Variants in CRIM1 observed in about 807,000 individuals in gnomAD.
CRIM1 encodes the protein cysteine rich transmembrane BMP regulator 1.
CRIM1 carries 32 observed loss-of-function variants against 116.4 expected under a neutral mutation model. The ratio of observed to expected loss-of-function variants is 0.27; its 90% CI spans 0.21 to 0.37. The LOEUF (loss-of-function observed/expected upper bound fraction) is 0.37. Ranked by LOEUF, CRIM1 falls within the 10% of genes least tolerant of loss-of-function variation. The pLI, the probability that CRIM1 is intolerant of heterozygous loss-of-function variation, is 1.00. For synonymous variants in CRIM1, 590 were observed against 509.2 expected (o/e 1.16, Z -2.13); for missense variants, 1,331 against 1,354.8 (o/e 0.98, Z 0.28).
intron 13 of CRIM1, among the ~76,000 whole-genome samples, chr2:36,531,058 A>C (rs543399790): frequency 4.6e-5 from 7 of 152,334 alleles, no homozygotes; most frequent in African/African-American, 1.4e-4. Context: ...CTTGTTTTGC[A>C]GTGAGACTTA....
intron 2 of CRIM1, among the ~76,000 whole-genome samples, chr2:36,423,652 T>A (rs2124870489): frequency 6.6e-6 from 1 of 152,308 alleles, no homozygotes; most frequent in South Asian, 2.1e-4. Context: ...GGTACTAAAG[T>A]ATTTGAGTCC....
chr2:36,411,410 A>G (rs1456330313), intron 2 of CRIM1, among the ~76,000 whole-genome samples: 1 of 152,146 alleles, frequency 6.6e-6, no homozygotes, highest in Non-Finnish European at 1.5e-5. Flanking sequence ...AGGAGAGTGT[A>G]TTCTGTATGG....
At chr2:36,432,517 G>A (rs967753580) in intron 2 of CRIM1, among the ~76,000 whole-genome samples, 2 of 152,048 alleles carry the variant, frequency 1.3e-5, no homozygotes, top group Non-Finnish European at 2.9e-5. Flanking sequence ...GATGCAAACA[G>A]GCCACATTTG....
intron 2 of CRIM1, among the ~76,000 whole-genome samples, chr2:36,436,575 G>C (rs1413467311): frequency 1.3e-5 from 2 of 152,140 alleles, no homozygotes; most frequent in Admixed American, 1.3e-4. Flanking sequence ...GTAAAAAATG[G>C]GAGGTATAGG....
At chr2:36,532,545 A>G (rs747659061) in intron 13 of CRIM1, among the ~76,000 whole-genome samples, 10 of 152,182 alleles carry the variant, frequency 6.6e-5, no homozygotes, top group Non-Finnish European at 1.5e-4. Context: ...ATCTTTGAAG[A>G]CAAAGATAAA....
intron 1 of CRIM1, among the ~76,000 whole-genome samples, chr2:36,359,880 G>A (rs568168541): frequency 6.6e-6 from 1 of 152,014 alleles, no homozygotes; most frequent in Non-Finnish European, 1.5e-5. Flanking sequence ...CTTTCCATTC[G>A]TCTGCTAAGA....
At chr2:36,415,566 T>C (rs547322635) in intron 2 of CRIM1, among the ~76,000 whole-genome samples, 9 of 152,308 alleles carry the variant, frequency 5.9e-5, no homozygotes, top group African/African-American at 2.2e-4. Context: ...AAATTGTTCA[T>C]AGATTCTTTC....
rs375510596 is a variant in CRIM1 at position 36,356,992 on chromosome 2, C to G, written c.331+369C>G. Among the ~76,000 whole-genome samples the G allele has an allele frequency of 1.5e-4, 23 of 152,168 alleles. No individual in the cohort carries two copies. Among genetic ancestry groups the G allele is most frequent in the African/African-American group, 5.3e-4 (22 of 41,454 alleles). On this transcript the variant is annotated intron_variant, in intron 1 of 16. Transcript: ENST00000280527. This position sits in a 1 kb window ranked among gnomAD's most constrained non-coding sequence, Gnocchi z 4.3. ...ACTGCAGATTCTGCCGCGCGCGAGCCCCTCGGGGAGCCCGGCCCTACCGCC... is the reference window on the plus strand; with the variant it reads ...ACTGCAGATTCTGCCGCGCGCGAGCGCCTCGGGGAGCCCGGCCCTACCGCC...
At chr2:36,443,680 A>G (rs1398811893) in intron 4 of CRIM1, among the ~76,000 whole-genome samples, 1 of 152,240 alleles carries the variant, frequency 6.6e-6, no homozygotes, top group Non-Finnish European at 1.5e-5. Flanking sequence ...GTGATTATGC[A>G]AATGGTTGGA....
intron 2 of CRIM1, among the ~76,000 whole-genome samples, chr2:36,435,434 T>C (rs991560970): frequency 2.6e-5 from 4 of 152,120 alleles, no homozygotes; most frequent in Admixed American, 2.6e-4. Context: ...TATGGGACTC[T>C]ACAAACTTTA....
chr2:36,538,101 T>C (rs1225403551), intron 14 of CRIM1, among the ~76,000 whole-genome samples: 2 of 152,180 alleles, frequency 1.3e-5, no homozygotes, highest in African/African-American at 4.8e-5. Flanking sequence ...CCACTGAGTG[T>C]ACCCCAGCTG....
chr2:36,377,441 G>A (rs1382897596), intron 1 of CRIM1, among the ~76,000 whole-genome samples: 1 of 152,180 alleles, frequency 6.6e-6, no homozygotes, highest in Admixed American at 6.5e-5. Context: ...GTGCACTAGT[G>A]GGAGTTCAGG....
At chr2:36,494,554 G>C (rs1680452330) in intron 7 of CRIM1, among the ~76,000 whole-genome samples, 2 of 152,082 alleles carry the variant, frequency 1.3e-5, no homozygotes, top group African/African-American at 4.8e-5. Flanking sequence ...CAATCCCAAG[G>C]GTTCTTTAAA....
chr2:36,537,567 C>G lies in CRIM1; in HGVS notation c.2623+21C>G, dbSNP rs747018081. 3 of 1,574,710 alleles carry G rather than the reference C, an allele frequency of 1.9e-6. No individual in the cohort carries two copies. The East Asian group carries it at 6.8e-5, about 36-fold the overall frequency. Reference sequence around the variant, plus strand: ...TCCAGGTATCTAAGCCACCATCCTTCCATTTGTCAAGCTGTAATGTTGATT... The same window carrying G: ...TCCAGGTATCTAAGCCACCATCCTTGCATTTGTCAAGCTGTAATGTTGATT... On this transcript the variant is annotated intron_variant, in intron 14 of 16. Transcript: ENST00000280527.
rs2125211672 is a variant in CRIM1 at position 36,551,113 on chromosome 2, A to G, written c.*2412A>G. On this transcript the variant is annotated 3_prime_UTR_variant, in exon 17 of 17. Transcript: ENST00000280527. ...TCTGCAACTTGATTCTTGGCAGGAAATAAACATTTTGAGTTGAAATCACAC... is the reference window on the plus strand; with the variant it reads ...TCTGCAACTTGATTCTTGGCAGGAAGTAAACATTTTGAGTTGAAATCACAC... The G allele has an allele frequency of 6.5e-6, 1 of 152,774 alleles. No individual in the cohort carries two copies. Among genetic ancestry groups the G allele is most frequent in the South Asian group, 2.1e-4 (1 of 4,828 alleles). 9.5% of individuals were successfully genotyped at this position (152,774 alleles called of 1,614,324 possible).
chr2:36,371,959 C>G (rs973594422), intron 1 of CRIM1, among the ~76,000 whole-genome samples: 3 of 152,204 alleles, frequency 2.0e-5, no homozygotes, highest in Non-Finnish European at 2.9e-5. Context: ...TCTGAATTCT[C>G]AGCTAATCCA....
At chr2:36,538,179 T>A (rs1666689829) in intron 14 of CRIM1, among the ~76,000 whole-genome samples, 1 of 152,080 alleles carries the variant, frequency 6.6e-6, no homozygotes, top group South Asian at 2.1e-4. Flanking sequence ...GCATTATCCC[T>A]CTCATAGTTT....
At chr2:36,422,664 A>C (rs1428716590) in intron 2 of CRIM1, among the ~76,000 whole-genome samples, 1 of 152,192 alleles carries the variant, frequency 6.6e-6, no homozygotes, top group Non-Finnish European at 1.5e-5. Flanking sequence ...GAGGTAGAAA[A>C]ATTAAAAATA....
chr2:36,473,652 C>G (rs1198282945), intron 5 of CRIM1, among the ~76,000 whole-genome samples: 1 of 152,108 alleles, frequency 6.6e-6, no homozygotes, highest in East Asian at 1.9e-4. Flanking sequence ...TGGCTTCTTT[C>G]ACTTAGCATA....
Sources: gnomAD v4.1 joint callset for allele counts (sites outside exome capture counted in the v4.1 genomes callset) on GRCh38, gnomAD v4.1.1 for gene constraint, Gnocchi (gnomAD v3.1) non-coding constraint, MANE v1.5 for transcripts, NCBI Gene and HGNC (gene_info 2026-07-23, HGNC 2026-07-21) for gene names.